The following COG6 variants were observed in gnomAD, a reference collection of about 807,000 sequenced individuals.
COG6 encodes the protein component of oligomeric golgi complex 6.
A neutral mutation model predicts 88.8 loss-of-function variants in COG6; 74 were observed. The observed-to-expected ratio is 0.83, with a 90% confidence interval of 0.69 to 1.01. The LOEUF is 1.01. Among genes scored for constraint, COG6 ranks in the 50% least tolerant of loss-of-function variants. The pLI, the probability that COG6 is intolerant of heterozygous loss-of-function variation, is 0.00. For synonymous variants in COG6, 286 were observed against 278.7 expected (o/e 1.03, Z -0.26); for missense variants, 800 against 797.9 (o/e 1.00, Z -0.03).
At chr13:39,707,025 CTT>C (rs1877972864) in intron 13 of COG6, among the ~76,000 whole-genome samples, 1 of 151,848 alleles carries the variant, frequency 6.6e-6, no homozygotes, top group South Asian at 2.1e-4. Context: ...TATACTTCAA[CTT>C]TGTCACTTAG....
chr13:39,724,386 T>C, intron 16 of COG6, 122 bp from the exon 17 acceptor site: 3 of 705,978 alleles, frequency 4.2e-6, no homozygotes, highest in Admixed American at 5.3e-5. Context: ...TCTTTGGAAA[T>C]AAGCTAAATG....
At chr13:39,694,933 T>C (rs1877181983) in intron 12 of COG6, among the ~76,000 whole-genome samples, 1 of 147,364 alleles carries the variant, frequency 6.8e-6, no homozygotes, top group Non-Finnish European at 1.5e-5. Flanking sequence ...CTTTCTCCTT[T>C]TTTCTCCAAG....
chr13:39,742,669 C>T (rs2138127578), intron 18 of COG6, among the ~76,000 whole-genome samples: 1 of 152,124 alleles, frequency 6.6e-6, no homozygotes, highest in Admixed American at 6.5e-5. Flanking sequence ...ATTTTAACAC[C>T]CCACTGTCAA....
rs185726955 is a variant in COG6 at position 39,688,468 on chromosome 13, A to G, written c.1009+669A>G. Among the ~76,000 whole-genome samples the G allele has an allele frequency of 2.3e-3, 343 of 152,224 alleles. 1 individual carries two copies. Among genetic ancestry groups the G allele is most frequent in the Middle Eastern group, 0.01 (3 of 294 alleles). Reference sequence around the variant, plus strand: ...AAAAGGGGAAGAGCCAGCATGTCACATGGTGATTGAGGGAGCAAGACAGAG... The same window carrying G: ...AAAAGGGGAAGAGCCAGCATGTCACGTGGTGATTGAGGGAGCAAGACAGAG... On this transcript the variant is annotated intron_variant, in intron 10 of 18. Transcript: ENST00000455146.
At chr13:39,691,068 C>T (rs1207028726) in intron 11 of COG6, among the ~76,000 whole-genome samples, 1 of 151,646 alleles carries the variant, frequency 6.6e-6, no homozygotes, top group African/African-American at 2.4e-5. Context: ...TCCCCCCTTC[C>T]TTGCTTATGT....
At chr13:39,707,369 C>T (rs549382542) in intron 13 of COG6, among the ~76,000 whole-genome samples, 64 of 152,084 alleles carry the variant, frequency 4.2e-4, no homozygotes, top group African/African-American at 1.4e-3. Flanking sequence ...CCTCATGATC[C>T]GCCCGCCTCA....
At chr13:39,727,364 T>C in intron 17 of COG6, 105 bp from the exon 18 acceptor site, 1 of 845,246 alleles carries the variant, frequency 1.2e-6, no homozygotes, top group Non-Finnish European at 2.0e-6. Flanking sequence ...ATTTAGAGTA[T>C]GGAATTTTTC....
At chr13:39,714,464 G>A (rs901463870) in intron 13 of COG6, among the ~76,000 whole-genome samples, 6 of 152,084 alleles carry the variant, frequency 3.9e-5, no homozygotes, top group African/African-American at 1.4e-4. Flanking sequence ...GTGGGCAAAT[G>A]AGATGAACAG....
intron 18 of COG6, among the ~76,000 whole-genome samples, chr13:39,746,156 A>C (rs1880338693): frequency 6.6e-6 from 1 of 151,964 alleles, no homozygotes; most frequent in South Asian, 2.1e-4. Flanking sequence ...GGGGTGCAGC[A>C]AACCAACATG....
intron 8 of COG6, 48 bp from the exon 9 acceptor site, chr13:39,687,455 C>T (rs1158426020): frequency 1.3e-6 from 2 of 1,558,104 alleles, no homozygotes; most frequent in South Asian, 1.1e-5. Context: ...TCTGATATAG[C>T]CACTAGAAAC....
intron 16 of COG6, among the ~76,000 whole-genome samples, chr13:39,724,076 A>G (rs1878997950): frequency 6.6e-6 from 1 of 152,082 alleles, no homozygotes; most frequent in Non-Finnish European, 1.5e-5. Context: ...AGAAACTCTT[A>G]AATGAAGCTC....
intron 13 of COG6, among the ~76,000 whole-genome samples, chr13:39,715,895 A>G (rs914348949): frequency 6.6e-6 from 1 of 152,030 alleles, no homozygotes; most frequent in Non-Finnish European, 1.5e-5. Flanking sequence ...AAATTTTTAA[A>G]AAACCCTCTT....
chr13:39,748,757 C>T (rs143136864), intron 18 of COG6, among the ~76,000 whole-genome samples: 1 of 152,254 alleles, frequency 6.6e-6, no homozygotes, highest in African/African-American at 2.4e-5. Flanking sequence ...ATTTACTCAG[C>T]ATGTCTTTCT....
At chr13:39,692,937 T>A (rs866968944) in intron 11 of COG6, among the ~76,000 whole-genome samples, 6 of 152,158 alleles carry the variant, frequency 3.9e-5, no homozygotes, top group Middle Eastern at 3.4e-3. Context: ...GTCATCACAG[T>A]GATAATTTCC....
At chr13:39,678,325 C>T (rs1876098772) in intron 5 of COG6, among the ~76,000 whole-genome samples, 3 of 152,126 alleles carry the variant, frequency 2.0e-5, no homozygotes, top group African/African-American at 7.2e-5. Flanking sequence ...GTGCCTACCT[C>T]GGCCTCCCAA....
intron 8 of COG6, among the ~76,000 whole-genome samples, chr13:39,684,025 T>C (rs1876477649): frequency 6.6e-6 from 1 of 152,158 alleles, no homozygotes; most frequent in Non-Finnish European, 1.5e-5. Flanking sequence ...TTAAGGCACT[T>C]AGTGTAATGC....
chr13:39,663,372 G>A (rs182770582), intron 3 of COG6, among the ~76,000 whole-genome samples: 1 of 152,048 alleles, frequency 6.6e-6, no homozygotes, highest in Admixed American at 6.6e-5. Flanking sequence ...GCTAGTAAAG[G>A]TTTTTTGATG....
chr13:39,744,382 C>T (rs111436221), intron 18 of COG6, among the ~76,000 whole-genome samples: 12 of 152,232 alleles, frequency 7.9e-5, no homozygotes, highest in Middle Eastern at 3.4e-3. Context: ...AATCTCCTTA[C>T]GCTGACAAGC....
At chr13:39,764,313 G>T (rs577685084) in intron 18 of COG6, among the ~76,000 whole-genome samples, 218 of 132,138 alleles carry the variant, frequency 1.6e-3, no homozygotes, top group African/African-American at 5.4e-3. Context: ...AAGAACCTAT[G>T]TTTTACTTGG....
Sources: allele counts gnomAD v4.1 joint callset (sites outside exome capture counted in the v4.1 genomes callset), GRCh38; gene constraint gnomAD v4.1.1; transcripts MANE v1.5; gene names NCBI Gene and HGNC (gene_info 2026-07-23, HGNC 2026-07-21).